PTCH1: variants seen among roughly 807,000 people sequenced by gnomAD.
The protein encoded by PTCH1 is patched 1.
A neutral mutation model predicts 144.6 loss-of-function variants in PTCH1; 14 were observed. That is an observed-to-expected ratio of 0.10 (90% CI 0.06 to 0.15). PTCH1 has a LOEUF of 0.15. Among genes scored for constraint, PTCH1 ranks in the 10% least tolerant of loss-of-function variants. The pLI is 1.00. For missense variants in PTCH1, 1,623 were observed against 1,948.3 expected (o/e 0.83, Z 3.14); for synonymous variants, 833 against 793.6 (o/e 1.05, Z -0.83).
chr9:95,483,214 CT>C (rs1841693673), intron 3 of PTCH1: 1 of 151,986 alleles, frequency 6.6e-6, no homozygotes, highest in Non-Finnish European at 1.5e-5. Flanking sequence ...CTGCAGTAAG[CT>C]GTGATTGCTC....
rs57243095 is a variant in PTCH1, at chr9:95,448,223, C to T, written c.3805-772G>A. On this transcript the variant is annotated intron_variant, in intron 22 of 23. Transcript: ENST00000331920. ...AAACCAGATTCACACTGCAGCTCAG[C>T]GGGCGTCGTCGCGGGGGGTAGGAGG... 3.4e-3 allele frequency among the ~76,000 whole-genome samples: 522 copies of T among 152,342 alleles called. 3 individuals are homozygous for T. The highest frequency in any genetic ancestry group is 0.012 in the African/African-American group (495 of 41,584).
intron 2 of PTCH1, among the ~76,000 whole-genome samples, chr9:95,500,480 A>G (rs1365310535): frequency 6.6e-6 from 1 of 152,206 alleles, no homozygotes; most frequent in Middle Eastern, 3.2e-3. Context: ...TAAACCATGT[A>G]TGGGGGTCCA....
rs566359298 is a variant in PTCH1 at position 95,451,505 on chromosome 9, G to C, written c.3450-1565C>G. 2.6e-5 allele frequency: 4 copies of C among 152,304 alleles called. No individual in the cohort carries two copies. In the East Asian group the frequency reaches 7.7e-4, roughly 29 times the overall value. 9.4% of individuals were successfully genotyped at this position (152,304 alleles called of 1,614,324 possible). A position where few individuals can be genotyped will look rare whatever the true frequency, so the allele number is the denominator to read the frequency against. On this transcript the variant is annotated intron_variant, in intron 20 of 23. Coordinates refer to ENST00000331920, the MANE Select transcript of PTCH1 (RefSeq NM_000264.5). ...ATTCCAGCTGCCAGGTTTCCAGCTG[G>C]GGGCTCTAATTCAGGCTAAGTTTCC... is the stretch of plus-strand genomic sequence containing the variant.
intron 22 of PTCH1, 99 bp downstream of exon 22, chr9:95,448,970 G>C: frequency 6.6e-7 from 1 of 1,521,130 alleles, no homozygotes; most frequent in Non-Finnish European, 9.1e-7. Context: ...CCATCTGCCT[G>C]TGTGATGTGC....
At position 95,508,570 on chromosome 9, in the gene PTCH1, CCGCTGCCGGGGA is replaced by C; in HGVS notation, c.-221_-210del. 1.0e-6 allele frequency: 1 copy of C among 1,002,184 alleles called. No individual in the cohort carries two copies. Among genetic ancestry groups the C allele is most frequent in the African/African-American group, 1.7e-5 (1 of 57,388 alleles). The allele number at this position is 1,002,184 out of a possible 1,614,324, so 62.1% of individuals were successfully genotyped here. ...GGCGCTGCTGCCGCTGCGGCCGCGG[CCGCTGCCGGGGA>C]GTCAGACCCTGCGCCTTCCATTGCC... On this transcript the variant is annotated 5_prime_UTR_variant, in exon 1 of 24. Coordinates refer to ENST00000331920, the MANE Select transcript of PTCH1 (RefSeq NM_000264.5).
intron 2 of PTCH1, among the ~76,000 whole-genome samples, chr9:95,487,778 T>C (rs567623316): frequency 6.6e-6 from 1 of 152,232 alleles, no homozygotes; most frequent in East Asian, 1.9e-4. Context: ...TGGTTTTTCA[T>C]TCTGATTACA....
At chr9:95,515,876 C>G (rs561564303) in intron 1 of PTCH1, among the ~76,000 whole-genome samples, 3 of 152,290 alleles carry the variant, frequency 2.0e-5, no homozygotes, top group African/African-American at 7.2e-5. Context: ...GTCCCGCACC[C>G]CTAGGCGTGC....
rs1356433882 is a variant in PTCH1, at chr9:95,467,281, A to G, written c.2395T>C (p.Ser799Pro). 1 of 1,614,236 alleles carries G rather than the reference A, an allele frequency of 6.2e-7. No individual in the cohort carries two copies. The highest frequency in any genetic ancestry group is 8.5e-7 in the Non-Finnish European group (1 of 1,180,034). The change falls in exon 15 of 24, where the codon TCT becomes CCT. Residue 799 changes from serine (S) to proline (P), a missense_variant. Transcript: ENST00000331920. Reference sequence around the variant, plus strand: ...GTGACTATATACATGTTGTAGAAAGAAAAGTATTTGAATTGTGCAGCAATA... The same window carrying G: ...GTGACTATATACATGTTGTAGAAAGGAAAGTATTTGAATTGTGCAGCAATA... ...DFIAAQFKYF[S>P]FYNMYIVTQK...
chr9:95,479,190 G>A (rs1389320194), intron 7 of PTCH1, 43 bp from the exon 8 acceptor site: 1 of 1,613,400 alleles, frequency 6.2e-7, no homozygotes, highest in Non-Finnish European at 8.5e-7. Flanking sequence ...AGTATTCCCA[G>A]GAAGCAGTTT....
At chr9:95,500,432 T>C (rs1170778779) in intron 2 of PTCH1, among the ~76,000 whole-genome samples, 2 of 152,202 alleles carry the variant, frequency 1.3e-5, no homozygotes, top group African/African-American at 4.8e-5. Context: ...TACCCAGTAG[T>C]AGAAACTAAT....
chr9:95,477,290 C>T (rs569120815), intron 10 of PTCH1, among the ~76,000 whole-genome samples: 1 of 152,220 alleles, frequency 6.6e-6, no homozygotes, highest in South Asian at 2.1e-4. Context: ...AGAGCCACAA[C>T]CCTGGTCAAT....
chr9:95,452,376 G>A (rs545588733), intron 20 of PTCH1: 101 of 142,430 alleles, frequency 7.1e-4, no homozygotes, highest in African/African-American at 2.7e-3. Context: ...GTACTGAAGC[G>A]TGCCAAACAA....
chr9:95,479,497 A>G (rs1348204614), intron 7 of PTCH1, among the ~76,000 whole-genome samples: 1 of 152,172 alleles, frequency 6.6e-6, no homozygotes, highest in Non-Finnish European at 1.5e-5. Flanking sequence ...GAAATCCCAG[A>G]CGGTGGCGTT....
intron 12 of PTCH1, 48 bp downstream of exon 12, chr9:95,475,986 T>C: frequency 6.2e-7 from 1 of 1,611,646 alleles, no homozygotes; most frequent in Non-Finnish European, 8.5e-7. Context: ...ATGCTGGAAG[T>C]CAGTGCCCCG....
intron 1 of PTCH1, 106 bp from the exon 2 acceptor site, chr9:95,506,705 C>T (rs1383484413): frequency 5.2e-6 from 6 of 1,152,590 alleles, no homozygotes; most frequent in Non-Finnish European, 6.7e-6. Flanking sequence ...GCCGTGGGGG[C>T]GCGGGTGGCC....
chr9:95,453,726 G>A, intron 19 of PTCH1, 106 bp from the exon 20 acceptor site: 1 of 1,469,326 alleles, frequency 6.8e-7, no homozygotes, highest in South Asian at 1.2e-5. Flanking sequence ...ACATCTTACT[G>A]TTTTAGTTGC....
upstream of PTCH1, among the ~76,000 whole-genome samples, chr9:95,511,509 G>C (rs28412122): frequency 1.3e-5 from 2 of 152,078 alleles, no homozygotes; most frequent in East Asian, 3.9e-4. Flanking sequence ...TCCGGAGGGG[G>C]ACCTGAGCAC....
chr9:95,507,472 C>T, intron 1 of PTCH1: 1 of 978,776 alleles, frequency 1.0e-6, no homozygotes, highest in Non-Finnish European at 1.2e-6. Context: ...CCGGCAGCTC[C>T]GCAGACTCGC....
At chr9:95,465,735 T>G (rs1839942062) in intron 15 of PTCH1, among the ~76,000 whole-genome samples, 1 of 152,212 alleles carries the variant, frequency 6.6e-6, no homozygotes, top group African/African-American at 2.4e-5. Context: ...CTTACATCTG[T>G]GTTTAAACAA....
Sources: allele counts gnomAD v4.1 joint callset (sites outside exome capture counted in the v4.1 genomes callset), GRCh38; gene constraint gnomAD v4.1.1; transcripts MANE v1.5; gene names NCBI Gene and HGNC (gene_info 2026-07-23, HGNC 2026-07-21).